Variants in MYO1H observed in about 807,000 individuals in gnomAD.
The protein encoded by MYO1H is unconventional myosin-Ih.
Under a neutral mutation model 149.3 loss-of-function variants are expected in MYO1H, and 118 were observed. That is an observed-to-expected ratio of 0.79 (90% CI 0.68 to 0.92). The LOEUF (loss-of-function observed/expected upper bound fraction) is 0.92. MYO1H is among the 40% of genes least tolerant of loss of function. MYO1H has a pLI of 0.00. For missense variants in MYO1H, 1,212 were observed against 1,280.7 expected (o/e 0.95, Z 0.82); for synonymous variants, 447 against 465.2 (o/e 0.96, Z 0.50).
chr12:109,327,512 G>A, the MYO1H span, among the ~76,000 whole-genome samples: 2 of 151,756 alleles, frequency 1.3e-5, no homozygotes, highest in Non-Finnish European at 2.9e-5. Flanking sequence ...CACTTTGGGA[G>A]GCCGAGGGTG....
chr12:109,408,527 A>G (rs1345818308), intron 10 of MYO1H, among the ~76,000 whole-genome samples: 1 of 152,196 alleles, frequency 6.6e-6, no homozygotes, highest in Non-Finnish European at 1.5e-5. Flanking sequence ...CAACAGAAGC[A>G]TATTTTAACA....
the MYO1H span, among the ~76,000 whole-genome samples, chr12:109,329,111 T>A: frequency 6.6e-6 from 1 of 151,820 alleles, no homozygotes; most frequent in Non-Finnish European, 1.5e-5. Context: ...GTTAATTGGA[T>A]GGTATTTTCA....
At chr12:109,391,833 C>T (rs1869670390) in intron 2 of MYO1H, among the ~76,000 whole-genome samples, 1 of 152,082 alleles carries the variant, frequency 6.6e-6, no homozygotes, top group Non-Finnish European at 1.5e-5. Context: ...AGCTTTTTTT[C>T]ATATGATTGT....
At chr12:109,406,797 G>T in exon 9 of MYO1H, 1 of 1,613,922 alleles carries the variant, frequency 6.2e-7, no homozygotes, top group Non-Finnish European at 8.5e-7. Context: ...AGCTCCTGGG[G>T]GTCCACCCAT....
chr12:109,328,902 G>A, the MYO1H span, among the ~76,000 whole-genome samples: 1 of 152,182 alleles, frequency 6.6e-6, no homozygotes, highest in Non-Finnish European at 1.5e-5. Context: ...CTTGAAATTC[G>A]CTGGGAGAGT....
chr12:109,418,580 C>T (rs750157616), intron 15 of MYO1H, among the ~76,000 whole-genome samples: 2 of 151,858 alleles, frequency 1.3e-5, no homozygotes, highest in African/African-American at 2.4e-5. Flanking sequence ...GACGGAGTCT[C>T]GCCTGTGGCC....
chr12:109,326,813 C>G, the MYO1H span, among the ~76,000 whole-genome samples: 2 of 152,076 alleles, frequency 1.3e-5, no homozygotes, highest in Admixed American at 1.3e-4. Flanking sequence ...GCCACCATAC[C>G]CGGTCTAGAC....
intron 15 of MYO1H, 45 bp from the exon 16 acceptor site, chr12:109,420,936 A>T (rs374756018): frequency 5.1e-6 from 5 of 989,516 alleles, no homozygotes; most frequent in Non-Finnish European, 6.4e-6. Flanking sequence ...TTGTATTTTT[A>T]GGCAGAGACA....
At chr12:109,439,364 C>G (rs1273447234) in intron 23 of MYO1H, among the ~76,000 whole-genome samples, 2 of 152,192 alleles carry the variant, frequency 1.3e-5, no homozygotes, top group Non-Finnish European at 2.9e-5. Flanking sequence ...CAGGCATGAG[C>G]CACCATGCCC....
exon 10 of MYO1H, chr12:109,407,833 A>G: frequency 1.2e-6 from 2 of 1,612,578 alleles, no homozygotes; most frequent in East Asian, 4.5e-5. Context: ...TGTCTACGCT[A>G]GAGATGCAAT....
chr12:109,391,413 G>A (rs1033285408), intron 2 of MYO1H, among the ~76,000 whole-genome samples: 10 of 152,198 alleles, frequency 6.6e-5, no homozygotes, highest in East Asian at 3.9e-4. Context: ...ACATGATCTC[G>A]TTCCTTTTTA....
intron 1 of MYO1H, among the ~76,000 whole-genome samples, chr12:109,383,808 T>C (rs546201564): frequency 6.6e-6 from 1 of 152,290 alleles, no homozygotes; most frequent in South Asian, 2.1e-4. Flanking sequence ...CCTTTCCACA[T>C]ACTGTGGCCT....
At chr12:109,415,590 T>A in exon 15 of MYO1H, 1 of 1,605,516 alleles carries the variant, frequency 6.2e-7, no homozygotes, top group Non-Finnish European at 8.5e-7. Context: ...ACTCCTCCAC[T>A]ATGCAGGAGA....
At chr12:109,319,215 A>G in the MYO1H span, among the ~76,000 whole-genome samples, 4 of 152,022 alleles carry the variant, frequency 2.6e-5, no homozygotes, top group African/African-American at 9.6e-5. Flanking sequence ...GATAAACACA[A>G]CGTGGCTTCT....
At chr12:109,326,251 A>G in the MYO1H span, among the ~76,000 whole-genome samples, 6 of 152,076 alleles carry the variant, frequency 3.9e-5, no homozygotes, top group Non-Finnish European at 7.4e-5. Context: ...AGAAGTTTGT[A>G]TGTTTCTAGA....
At position 109,409,246 on chromosome 12, in the gene MYO1H, CTTTTTTTTTT is replaced by C. The variant is rs66507410; in HGVS notation, c.1156-292_1156-283del. Among the ~76,000 whole-genome samples, 256 of 47,866 alleles carry C rather than the reference CTTTTTTTTTT, an allele frequency of 5.3e-3. 1 individual carries two copies. The highest frequency in any genetic ancestry group is 0.017 in the African/African-American group (229 of 13,500). The allele number at this position is 47,866 out of a possible 152,430, so 31.4% of individuals were successfully genotyped here. ...TCTTTTTCTTCTTCTTCTTCTTCTT[CTTTTTTTTTT>C]TTTTTTTTTTTTTTTTTTGATTGTA... On this transcript the variant is annotated intron_variant, in intron 10 of 31. Transcript: ENST00000310903.
chr12:109,320,865 G>A, the MYO1H span, among the ~76,000 whole-genome samples: 17 of 151,898 alleles, frequency 1.1e-4, no homozygotes, highest in African/African-American at 3.6e-4. Flanking sequence ...CGAGGCGGGT[G>A]GATCACGAGG....
exon 6 of MYO1H, chr12:109,401,102 G>C: frequency 1.2e-6 from 2 of 1,613,666 alleles, no homozygotes; most frequent in Non-Finnish European, 1.7e-6. Flanking sequence ...GGGCATTCCC[G>C]TAGGTGGGCA....
At chr12:109,341,471 G>A in the MYO1H span, among the ~76,000 whole-genome samples, 28 of 152,286 alleles carry the variant, frequency 1.8e-4, no homozygotes, top group Non-Finnish European at 3.4e-4. Context: ...ATGAAAATAA[G>A]CAAATATTCA....
Sources: gnomAD v4.1 joint callset for allele counts (sites outside exome capture counted in the v4.1 genomes callset) on GRCh38, gnomAD v4.1.1 for gene constraint, MANE v1.5 for transcripts, NCBI Gene and HGNC (gene_info 2026-07-23, HGNC 2026-07-21) for gene names.